CHST13: variants seen among roughly 807,000 people sequenced by gnomAD.
CHST13 encodes C4ST-3.
Under a neutral mutation model 7.0 loss-of-function variants are expected in CHST13, and 1 was observed. The ratio of observed to expected loss-of-function variants is 0.14; its 90% CI spans 0.05 to 0.68. The LOEUF (loss-of-function observed/expected upper bound fraction) is 0.68, where lower values mean the gene tolerates loss of function less well. Among genes scored for constraint, CHST13 ranks in the 30% least tolerant of loss-of-function variants. The pLI is 0.82. For missense variants in CHST13, 572 were observed against 507.9 expected (o/e 1.13, Z -1.21); for synonymous variants, 257 against 240.9 (o/e 1.07, Z -0.62).
intron 2 of CHST13, among the ~76,000 whole-genome samples, chr3:126,539,035 C>T (rs1423040286): frequency 6.6e-6 from 1 of 152,064 alleles, no homozygotes; most frequent in African/African-American, 2.4e-5. Flanking sequence ...ACTGCTTTGC[C>T]GTGTGCTTAC....
intron 1 of CHST13, among the ~76,000 whole-genome samples, chr3:126,530,082 A>T (rs1221613168): frequency 1.3e-5 from 2 of 152,194 alleles, no homozygotes; most frequent in Non-Finnish European, 1.5e-5. Context: ...CCAAGTCAGG[A>T]TTGGACCCAA....
At chr3:126,534,262 C>T (rs28696000) in intron 1 of CHST13, among the ~76,000 whole-genome samples, 6,840 of 152,280 alleles carry the variant, frequency 0.045, 235 homozygotes, top group African/African-American at 0.095. Flanking sequence ...TTACTGAGAA[C>T]ATATTAATAT....
intron 2 of CHST13, 85 bp downstream of exon 2, chr3:126,536,438 G>A (rs1271953527): frequency 5.8e-6 from 6 of 1,041,682 alleles, no homozygotes; most frequent in African/African-American, 3.2e-5. Flanking sequence ...CTGCTGGCAT[G>A]AGACTGGACC....
At chr3:126,539,607 CCACACCACACA>C (rs1231033557) in intron 2 of CHST13, among the ~76,000 whole-genome samples, 3 of 137,810 alleles carry the variant, frequency 2.2e-5, no homozygotes, top group East Asian at 4.5e-4. Flanking sequence ...CCCACACACT[CCACACCACACA>C]CACAGCACAC....
At chr3:126,530,961 C>T (rs1389324975) in intron 1 of CHST13, among the ~76,000 whole-genome samples, 1 of 152,274 alleles carries the variant, frequency 6.6e-6, no homozygotes, top group African/African-American at 2.4e-5. Flanking sequence ...GGCAGCAGGA[C>T]CCTGGACAGT....
intron 1 of CHST13, among the ~76,000 whole-genome samples, chr3:126,531,840 G>A (rs1392487478): frequency 1.3e-5 from 2 of 152,164 alleles, no homozygotes; most frequent in Admixed American, 6.5e-5. Context: ...GAATTGCTGG[G>A]TTGCATGGTA....
chr3:126,532,056 G>A (rs1020228874), intron 1 of CHST13, among the ~76,000 whole-genome samples: 13 of 152,252 alleles, frequency 8.5e-5, no homozygotes, highest in Admixed American at 4.6e-4. Flanking sequence ...GCTTATTGCT[G>A]TAGGTATATC....
chr3:126,528,798 C>G (rs900979782), intron 1 of CHST13, among the ~76,000 whole-genome samples: 2 of 152,164 alleles, frequency 1.3e-5, no homozygotes, highest in African/African-American at 4.8e-5. Flanking sequence ...CTCCCCTAAA[C>G]AGAATTGCTT....
Position 126,536,948 on chromosome 3 carries a change from G to T in CHST13, c.180+595G>T, listed in dbSNP as rs112895272. Among the ~76,000 whole-genome samples the T allele has an allele frequency of 5.3e-5, 8 of 150,152 alleles. 1 individual carries two copies. Among genetic ancestry groups the T allele is most frequent in the African/African-American group, 2.0e-4 (8 of 40,574 alleles). ...ACCCCACACACACAAGTACTTATTC[G>T]GACAGCACATATTGAGCACCTACTG... On this transcript the variant is annotated intron_variant, in intron 2 of 2. Coordinates refer to ENST00000319340, the MANE Select transcript of CHST13 (RefSeq NM_152889.3).
Position 126,542,679 on chromosome 3 carries a change from A to G in CHST13, c.*101A>G, listed in dbSNP as rs896037096. The G allele has an allele frequency of 5.5e-5, 75 of 1,360,620 alleles. No individual in the cohort carries two copies. Among genetic ancestry groups the G allele is most frequent in the Admixed American group, 2.7e-4 (7 of 25,578 alleles). 84.3% of individuals were successfully genotyped at this position (1,360,620 alleles called of 1,614,324 possible). On this transcript the variant is annotated 3_prime_UTR_variant, in exon 3 of 3. Transcript: ENST00000319340. The stretch of plus-strand genomic sequence containing the variant: ...GCCCCAGGACCCCTCTTCAAGAGCC[A>G]CTGCGTGCACTCACCTGGCCGCCGG...
At chr3:126,527,984 A>T (rs1400856573) in intron 1 of CHST13, 1 of 151,960 alleles carries the variant, frequency 6.6e-6, no homozygotes, top group Non-Finnish European at 1.5e-5. Context: ...TTTTCTTTCC[A>T]TTCTACAGGG....
intron 2 of CHST13, among the ~76,000 whole-genome samples, chr3:126,537,973 C>A (rs1452363953): frequency 3.9e-5 from 6 of 152,172 alleles, no homozygotes; most frequent in Admixed American, 1.3e-4. Context: ...AGGACAGGAG[C>A]TGTAGGTGCA....
intron 1 of CHST13, 152 bp from the exon 2 acceptor site, chr3:126,536,119 C>T (rs1936784861): frequency 1.6e-6 from 1 of 622,352 alleles, no homozygotes; most frequent in Non-Finnish European, 2.9e-6. Flanking sequence ...TGCCATCCCC[C>T]ACTCCACCAA....
chr3:126,539,161 AC>A, intron 2 of CHST13, among the ~76,000 whole-genome samples: 1 of 151,760 alleles, frequency 6.6e-6, no homozygotes, highest in South Asian at 2.1e-4. Context: ...AGTTCAAGGA[AC>A]CCCCACCTTC....
intron 1 of CHST13, chr3:126,529,264 G>A (rs111630412): frequency 3.8e-5 from 47 of 1,220,930 alleles, no homozygotes; most frequent in East Asian, 2.8e-4. Context: ...GCAACATGAC[G>A]TGTGCGGGTG....
intron 1 of CHST13, among the ~76,000 whole-genome samples, chr3:126,533,716 C>G (rs755515742): frequency 2.6e-5 from 4 of 152,152 alleles, no homozygotes; most frequent in Non-Finnish European, 2.9e-5. Flanking sequence ...GTTTGGTCAT[C>G]TAGATAATAC....
chr3:126,525,209 G>A (rs1936513279), intron 1 of CHST13, among the ~76,000 whole-genome samples: 1 of 152,160 alleles, frequency 6.6e-6, no homozygotes, highest in Non-Finnish European at 1.5e-5. Context: ...TTCCTTGTAT[G>A]TGGTATGCGT....
At chr3:126,538,513 A>G (rs1873399) in intron 2 of CHST13, among the ~76,000 whole-genome samples, 2 of 152,222 alleles carry the variant, frequency 1.3e-5, no homozygotes, top group Non-Finnish European at 2.9e-5. Flanking sequence ...AGCTGAAGAT[A>G]TGGCTCCCTG....
intron 2 of CHST13, among the ~76,000 whole-genome samples, chr3:126,538,233 C>T (rs1481280483): frequency 6.6e-6 from 1 of 152,262 alleles, no homozygotes; most frequent in Non-Finnish European, 1.5e-5. Flanking sequence ...GGTTCAGCAG[C>T]AGCCAGCTGC....
Sources: gnomAD v4.1 joint callset for allele counts (sites outside exome capture counted in the v4.1 genomes callset) on GRCh38, gnomAD v4.1.1 for gene constraint, MANE v1.5 for transcripts, NCBI Gene and HGNC (gene_info 2026-07-23, HGNC 2026-07-21) for gene names.